Variants in PLXNA4 observed in about 807,000 individuals in gnomAD.
PLXNA4 encodes plexin A4, also known as plexin-A4.
PLXNA4 carries 44 observed loss-of-function variants against 191.8 expected under a neutral mutation model. That is an observed-to-expected ratio of 0.23 (90% CI 0.18 to 0.29). The LOEUF is 0.29. Ranked by LOEUF, PLXNA4 falls within the 10% of genes least tolerant of loss-of-function variation. The pLI is 1.00. For missense variants in PLXNA4, 1,800 were observed against 2,488.8 expected (o/e 0.72, Z 5.89); for synonymous variants, 1,082 against 1,009.5 (o/e 1.07, Z -1.36).
At chr7:132,554,873 A>T (rs1291937020) in intron 1 of PLXNA4, among the ~76,000 whole-genome samples, 1 of 152,112 alleles carries the variant, frequency 6.6e-6, no homozygotes, top group Non-Finnish European at 1.5e-5. Context: ...CAGCTTTCTG[A>T]CTTCGTTGCA....
chr7:132,525,564 G>A (rs936476492), intron 1 of PLXNA4, among the ~76,000 whole-genome samples: 15 of 152,122 alleles, frequency 9.9e-5, no homozygotes, highest in Non-Finnish European at 1.5e-5. Context: ...CCATTTTGTG[G>A]GGGGCACCAG....
chr7:132,406,210 C>T (rs903316525), intron 3 of PLXNA4, among the ~76,000 whole-genome samples: 3 of 152,184 alleles, frequency 2.0e-5, no homozygotes, highest in Non-Finnish European at 2.9e-5. Context: ...TAATTCTCAG[C>T]CCAGACAGAA....
intron 2 of PLXNA4, among the ~76,000 whole-genome samples, chr7:132,632,115 A>G (rs1409770791): frequency 6.6e-6 from 1 of 152,016 alleles, no homozygotes. Context: ...ACACACCTGG[A>G]ATCCCAGCTA....
At chr7:132,312,967 G>T (rs1268892238) in intron 3 of PLXNA4, among the ~76,000 whole-genome samples, 3 of 152,148 alleles carry the variant, frequency 2.0e-5, no homozygotes, top group Non-Finnish European at 4.4e-5. Context: ...AAGGAGAGAG[G>T]GAAGGCTTAC....
chr7:132,592,433 T>G (rs1390514562), intron 2 of PLXNA4, among the ~76,000 whole-genome samples: 1 of 151,768 alleles, frequency 6.6e-6, no homozygotes, highest in Non-Finnish European at 1.5e-5. Context: ...AGATAAAACC[T>G]CCTTCATAAA....
At chr7:132,174,706 AG>A in intron 21 of PLXNA4, 71 bp downstream of exon 21, 1 of 1,573,256 alleles carries the variant, frequency 6.4e-7, no homozygotes, top group Non-Finnish European at 8.7e-7. Context: ...CACCTCCGAA[AG>A]AAGGGGCTGG....
intron 21 of PLXNA4, among the ~76,000 whole-genome samples, chr7:132,170,443 A>G (rs146813447): frequency 9.8e-5 from 15 of 152,312 alleles, no homozygotes; most frequent in South Asian, 6.2e-4. Context: ...GCTGATGCAC[A>G]TCCCAGCTCC....
At chr7:132,253,390 C>A (rs1022027230) in intron 4 of PLXNA4, among the ~76,000 whole-genome samples, 5 of 151,990 alleles carry the variant, frequency 3.3e-5, no homozygotes, top group Non-Finnish European at 7.4e-5. Context: ...CACACACCAC[C>A]ATGCCAAGCT....
Position 132,182,118 on chromosome 7 carries a change from A to C in PLXNA4, c.3231T>G (p.His1077Gln). 1 of 1,614,028 alleles carries C rather than the reference A, an allele frequency of 6.2e-7. No individual in the cohort carries two copies. The highest frequency in any genetic ancestry group is 8.5e-7 in the Non-Finnish European group (1 of 1,180,030). ...TCACATTGATGTGCTCCTTCCCTCCATGCTTGGCACGGATCTGGGGGTTCT... is the reference window on the plus strand; with the variant it reads ...TCACATTGATGTGCTCCTTCCCTCCCTGCTTGGCACGGATCTGGGGGTTCT... ...LIQNPQIRAK[H>Q]GGKEHINICE... Residue 1077 changes from histidine to glutamine, a missense_variant, in exon 17 of 32, where the codon CAT becomes CAG. By Grantham distance (24) the His-to-Gln change is conservative. This residue lies in a region of PLXNA4 where 1,397 missense variants were observed against 1,880.4 expected (regional missense o/e 0.74). Transcript: ENST00000321063.
chr7:132,174,460 T>C (rs1047134461), intron 21 of PLXNA4, among the ~76,000 whole-genome samples: 1 of 152,322 alleles, frequency 6.6e-6, no homozygotes, highest in South Asian at 2.1e-4. Context: ...GGTTCCCCAA[T>C]GTATTTGCCG....
chr7:132,164,296 T>G lies in PLXNA4; in HGVS notation c.4354-8A>C. On this transcript the variant is annotated splice_region_variant and splice_polypyrimidine_tract_variant and intron_variant, in intron 23 of 31. Transcript: ENST00000321063. The stretch of plus-strand genomic sequence containing the variant: ...GGGCTCCCCAGCACACTCCTGGAGG[T>G]GAGAAGAACGTCATTAGGAGGAGCT... 1.2e-6 allele frequency: 2 copies of G among 1,613,204 alleles called. No individual in the cohort carries two copies. Among genetic ancestry groups the G allele is most frequent in the Non-Finnish European group, 1.7e-6 (2 of 1,179,392 alleles).
In PLXNA4 at chr7:132,449,862, C is replaced by G. The variant is rs566607322; in HGVS notation, c.1371+39430G>C. Among the ~76,000 whole-genome samples the G allele has an allele frequency of 3.9e-5, 6 of 152,368 alleles. No individual in the cohort carries two copies. In the East Asian group the frequency reaches 1.2e-3, roughly 29 times the overall value. On this transcript the variant is annotated intron_variant, in intron 3 of 31. Transcript: ENST00000321063. ...GTTCGCCTTGGGGGAACCAAGACCT[C>G]TCTGAGAATCTTCTCAAATATTTTG...
chr7:132,382,137 A>G (rs1332421002), intron 3 of PLXNA4, among the ~76,000 whole-genome samples: 2 of 152,168 alleles, frequency 1.3e-5, no homozygotes, highest in Non-Finnish European at 2.9e-5. Context: ...GTGCTTTCTA[A>G]TAGGTCACCT....
At position 132,528,049 on chromosome 7, in the gene PLXNA4, G is replaced by T. The variant is rs558975565; in HGVS notation, c.-86-19270C>A. On this transcript the variant is annotated intron_variant, in intron 1 of 31. Coordinates refer to ENST00000321063, the MANE Select transcript of PLXNA4 (RefSeq NM_020911.2). ...CAGGGAAGTGAAGCCCAATCAGGGT[G>T]ACAAGGTTTCTTCCCCAGGACAAGA... Among the ~76,000 whole-genome samples, 19 of 152,312 alleles carry T rather than the reference G, an allele frequency of 1.2e-4. No homozygotes were observed. The East Asian group carries it at 3.5e-3, about 28-fold the overall frequency.
rs61017631 is a variant in PLXNA4 at position 132,509,364 on chromosome 7, A to G, written c.-86-585T>C. Among the ~76,000 whole-genome samples the G allele has an allele frequency of 2.2e-3, 334 of 152,192 alleles. 1 individual carries two copies. The highest frequency in any genetic ancestry group is 7.7e-3 in the African/African-American group (319 of 41,510). On this transcript the variant is annotated intron_variant, in intron 1 of 31. Coordinates refer to ENST00000321063, the MANE Select transcript of PLXNA4 (RefSeq NM_020911.2). ...CACTATTACTATCCACCCATACTACATTGCCCCTTAAAGAGCCACACTTTT... is the reference window on the plus strand; with the variant it reads ...CACTATTACTATCCACCCATACTACGTTGCCCCTTAAAGAGCCACACTTTT...
intron 5 of PLXNA4, among the ~76,000 whole-genome samples, chr7:132,230,016 A>T (rs1798470900): frequency 1.3e-5 from 2 of 152,120 alleles, no homozygotes; most frequent in Admixed American, 1.3e-4. Context: ...GGATGGGATA[A>T]ATGGAGGAAC....
At chr7:132,284,618 G>A (rs565768956) in intron 4 of PLXNA4, among the ~76,000 whole-genome samples, 52 of 152,252 alleles carry the variant, frequency 3.4e-4, no homozygotes, top group Non-Finnish European at 6.6e-4. Context: ...TGGAACCTGT[G>A]GACTCAGACT....
intron 3 of PLXNA4, among the ~76,000 whole-genome samples, chr7:132,406,087 T>C (rs551511612): frequency 1.3e-5 from 2 of 152,312 alleles, no homozygotes; most frequent in Admixed American, 1.3e-4. Flanking sequence ...AGGGACAGAC[T>C]GCCTGACAAA....
intron 11 of PLXNA4, 87 bp from the exon 12 acceptor site, chr7:132,202,923 C>A (rs992289308): frequency 7.4e-7 from 1 of 1,345,790 alleles, no homozygotes. Context: ...GAGTGCAGTG[C>A]CAGCCTGGGG....
Sources: gnomAD v4.1 joint callset for allele counts (sites outside exome capture counted in the v4.1 genomes callset) on GRCh38, gnomAD v4.1.1 for gene constraint, gnomAD v4.1.1 regional missense constraint, MANE v1.5 for transcripts, NCBI Gene and HGNC (gene_info 2026-07-23, HGNC 2026-07-21) for gene names.